The following PHACTR1 variants were observed in gnomAD, a reference collection of about 807,000 sequenced individuals.
PHACTR1 encodes RPEL repeat containing 1.
In PHACTR1, 16 loss-of-function variants were observed where a neutral mutation model predicts 69.2. The observed-to-expected ratio is 0.23, with a 90% CI of 0.16 to 0.35. The LOEUF (loss-of-function observed/expected upper bound fraction) is 0.35, where lower values mean the gene tolerates loss of function less well. Ranked by LOEUF, PHACTR1 falls within the 10% of genes least tolerant of loss-of-function variation. The probability of loss-of-function intolerance (pLI) is 1.00; values close to 1 mark genes in which losing one functional copy is unlikely to be tolerated. For missense variants in PHACTR1, 510 were observed against 734.7 expected (o/e 0.69, Z 3.54); for synonymous variants, 312 against 284.5 (o/e 1.10, Z -0.97).
chr6:12,944,777 A>ATTTTTTTTTTTTTTTTTT (rs757721726), intron 4 of PHACTR1, among the ~76,000 whole-genome samples: 2 of 135,764 alleles, frequency 1.5e-5, no homozygotes, highest in African/African-American at 5.8e-5. Flanking sequence ...TTATTTATTT[A>ATTTTTTTTTTTTTTTTTT]TTTTTATTTA....
At chr6:13,018,497 T>C (rs760098480) in intron 4 of PHACTR1, among the ~76,000 whole-genome samples, 1 of 152,162 alleles carries the variant, frequency 6.6e-6, no homozygotes, top group Non-Finnish European at 1.5e-5. Flanking sequence ...TTGAGAAATA[T>C]TAGCTGCGAT....
chr6:13,185,075 C>G (rs1762668904), intron 7 of PHACTR1: 2 of 1,200,064 alleles, frequency 1.7e-6, no homozygotes, highest in Non-Finnish European at 2.2e-6. Flanking sequence ...TTCTCTTGTT[C>G]TTTGAACTGA....
In PHACTR1 at chr6:12,749,654, G is replaced by C. The variant is rs747066629; in HGVS notation, c.114G>C (p.Ala38=). ...CCTTCTCCCTCTCAGCTCGCCGGGCGACCCTGCTCCTGCCTCCCACATTAA... is the reference window on the plus strand; with the variant it reads ...CCTTCTCCCTCTCAGCTCGCCGGGCCACCCTGCTCCTGCCTCCCACATTAA... ...FYSQGAQARR[A]TLLLPPTLMA... The change falls in exon 4 of 15, where the codon GCG becomes GCC. Residue 38 remains alanine, a synonymous_variant. Coordinates refer to ENST00000332995, the MANE Select transcript of PHACTR1 (RefSeq NM_030948.6). 2 of 1,609,000 alleles carry C rather than the reference G, an allele frequency of 1.2e-6. No individual in the cohort carries two copies. Among genetic ancestry groups the C allele is most frequent in the Admixed American group, 3.3e-5 (2 of 59,716 alleles).
At chr6:13,135,881 A>C (rs1421105149) in intron 5 of PHACTR1, among the ~76,000 whole-genome samples, 1 of 152,100 alleles carries the variant, frequency 6.6e-6, no homozygotes, top group African/African-American at 2.4e-5. Context: ...ATAAAAATAA[A>C]AAATAAATAA....
intron 3 of PHACTR1, among the ~76,000 whole-genome samples, chr6:12,744,717 G>C (rs747606021): frequency 6.6e-6 from 1 of 152,134 alleles, no homozygotes; most frequent in African/African-American, 2.4e-5. Flanking sequence ...TCCATAGGCA[G>C]AGCAGCAAAA....
chr6:12,829,127 AAAC>A (rs1437168306), intron 4 of PHACTR1, among the ~76,000 whole-genome samples: 1 of 152,210 alleles, frequency 6.6e-6, no homozygotes, highest in Non-Finnish European at 1.5e-5. Context: ...AACCAAAACA[AAAC>A]AACAACAAGA....
intron 3 of PHACTR1, among the ~76,000 whole-genome samples, chr6:12,730,444 C>T (rs377107913): frequency 6.7e-6 from 1 of 150,016 alleles, no homozygotes; most frequent in Non-Finnish European, 1.5e-5. Context: ...TCAGTTAACA[C>T]TTATAAGGTC....
chr6:13,164,440 A>G (rs1182869664), intron 6 of PHACTR1, among the ~76,000 whole-genome samples: 1 of 152,188 alleles, frequency 6.6e-6, no homozygotes, highest in Admixed American at 6.5e-5. Flanking sequence ...ACCGGCAGCA[A>G]AATCGTTTCC....
intron 4 of PHACTR1, among the ~76,000 whole-genome samples, chr6:12,756,608 G>T (rs1011909438): frequency 6.6e-6 from 1 of 152,200 alleles, no homozygotes; most frequent in Admixed American, 6.5e-5. Context: ...TAAGTGCGGT[G>T]TAAAAGCCTG....
At chr6:13,177,172 TAAAAAAAAAA>T (rs530741132) in intron 6 of PHACTR1, among the ~76,000 whole-genome samples, 104 of 63,366 alleles carry the variant, frequency 1.6e-3, no homozygotes, top group Admixed American at 3.3e-3. Flanking sequence ...ACCCCATCTC[TAAAAAAAAAA>T]AAAAAAAAAA....
At chr6:13,130,366 A>C (rs1036076820) in intron 5 of PHACTR1, among the ~76,000 whole-genome samples, 75 of 151,910 alleles carry the variant, frequency 4.9e-4, no homozygotes, top group African/African-American at 1.8e-3. Flanking sequence ...TAAATGAAAC[A>C]AAAAAAACTG....
At chr6:12,733,908 T>C (rs1763899569) in intron 3 of PHACTR1, among the ~76,000 whole-genome samples, 3 of 151,898 alleles carry the variant, frequency 2.0e-5, no homozygotes. Flanking sequence ...TACTATCAAG[T>C]AAGATTGGAA....
intron 4 of PHACTR1, among the ~76,000 whole-genome samples, chr6:12,799,986 C>T (rs1280749591): frequency 6.6e-6 from 1 of 152,158 alleles, no homozygotes; most frequent in African/African-American, 2.4e-5. Context: ...TCCATCAACA[C>T]TGTGTGATAG....
intron 3 of PHACTR1, among the ~76,000 whole-genome samples, chr6:12,747,344 C>T (rs1194348702): frequency 6.6e-6 from 1 of 152,018 alleles, no homozygotes; most frequent in South Asian, 2.1e-4. Context: ...TCTTCTCTCC[C>T]TCCCTCTCTT....
At chr6:13,171,468 A>G (rs1165278858) in intron 6 of PHACTR1, among the ~76,000 whole-genome samples, 2 of 152,212 alleles carry the variant, frequency 1.3e-5, no homozygotes, top group Non-Finnish European at 2.9e-5. Flanking sequence ...TGTAAGGCCC[A>G]TGGTTGTGAT....
chr6:13,189,083 G>C (rs1200048810), intron 7 of PHACTR1, among the ~76,000 whole-genome samples: 1 of 152,216 alleles, frequency 6.6e-6, no homozygotes, highest in Non-Finnish European at 1.5e-5. Flanking sequence ...TCTGCATAAG[G>C]TACCTGTGGC....
intron 3 of PHACTR1, among the ~76,000 whole-genome samples, chr6:12,720,575 A>G (rs1014731864): frequency 6.6e-6 from 1 of 152,116 alleles, no homozygotes; most frequent in Non-Finnish European, 1.5e-5. Flanking sequence ...AATGCATGGG[A>G]GGTGGCAGCA....
At chr6:12,749,853 A>T in intron 4 of PHACTR1, 63 bp downstream of exon 4, 11 of 1,370,666 alleles carry the variant, frequency 8.0e-6, no homozygotes, top group Non-Finnish European at 8.6e-6. Context: ...CCGGCTGTTG[A>T]GCCCCCGCCC....
intron 4 of PHACTR1, among the ~76,000 whole-genome samples, chr6:12,808,917 G>A (rs1191166288): frequency 6.6e-6 from 1 of 150,618 alleles, no homozygotes; most frequent in Non-Finnish European, 1.5e-5. Flanking sequence ...TCACTCTGTT[G>A]CCCAGGCTGG....
Sources: allele counts gnomAD v4.1 joint callset (sites outside exome capture counted in the v4.1 genomes callset), GRCh38; gene constraint gnomAD v4.1.1; transcripts MANE v1.5; gene names NCBI Gene and HGNC (gene_info 2026-07-23, HGNC 2026-07-21).